ROBO2: variants seen among roughly 807,000 people sequenced by gnomAD.
The protein encoded by ROBO2 is roundabout homolog 2.
A neutral mutation model predicts 160.8 loss-of-function variants in ROBO2; 53 were observed. The ratio of observed to expected loss-of-function variants is 0.33; its 90% CI spans 0.26 to 0.41. ROBO2 has a LOEUF of 0.41. Among genes scored for constraint, ROBO2 ranks in the 10% least tolerant of loss-of-function variants. The probability of loss-of-function intolerance (pLI) is 1.00; values close to 1 mark genes in which losing one functional copy is unlikely to be tolerated. For missense variants in ROBO2, 1,577 were observed against 1,722.4 expected (o/e 0.92, Z 1.49); for synonymous variants, 664 against 611.7 (o/e 1.09, Z -1.26).
intron 2 of ROBO2, among the ~76,000 whole-genome samples, chr3:77,158,557 G>A (rs533194145): frequency 1.3e-5 from 2 of 151,888 alleles, no homozygotes; most frequent in Non-Finnish European, 2.9e-5. Context: ...AAAGAATAGG[G>A]CCAGGGGATA....
At chr3:77,221,030 G>T (rs534244248) in intron 2 of ROBO2, among the ~76,000 whole-genome samples, 1 of 152,280 alleles carries the variant, frequency 6.6e-6, no homozygotes, top group African/African-American at 2.4e-5. Flanking sequence ...CATATGTAAT[G>T]GTAAAGCTTT....
In ROBO2 at chr3:77,110,461, AT is replaced by A. The variant is rs549402787; in HGVS notation, c.388+12128del. Among the ~76,000 whole-genome samples, 50 of 151,900 alleles carry A rather than the reference AT, an allele frequency of 3.3e-4. 2 individuals carry two copies. The East Asian group carries it at 9.1e-3, about 28-fold the overall frequency. ...ATTTGACTTTCAAATTACTCTTTTT[AT>A]TTTTTTATATTTAAAAATGAATCAA... is the stretch of plus-strand genomic sequence containing the variant. On this transcript the variant is annotated intron_variant, in intron 2 of 25. Coordinates refer to ENST00000461745, the Ensembl canonical transcript of ROBO2.
At chr3:76,341,499 CT>C (rs1394531584) in intron 2 of ROBO2, among the ~76,000 whole-genome samples, 1 of 141,224 alleles carries the variant, frequency 7.1e-6, no homozygotes, top group African/African-American at 2.6e-5. Context: ...TTTACTATCT[CT>C]TTACAAAAAA....
Position 76,752,577 on chromosome 3 carries a change from G to C in ROBO2, c.110-345437G>C, listed in dbSNP as rs2060737722. Among the ~76,000 whole-genome samples the C allele has an allele frequency of 3.9e-5, 4 of 101,392 alleles. No individual in the cohort carries two copies. The South Asian group carries it at 1.2e-3, about 31-fold the overall frequency. 66.5% of individuals were successfully genotyped at this position (101,392 alleles called of 152,430 possible). A position where few individuals can be genotyped will look rare whatever the true frequency, so the allele number is the denominator to read the frequency against. ...TTAGGTAAGGACTAAGACTAAAGCA[G>C]TCTCAGTATTCATCCTTAAAGAATT... On this transcript the variant is annotated intron_variant, in intron 2 of 26. Coordinates refer to the ROBO2 transcript ENST00000487694.
At chr3:77,580,667 A>AT (rs1160533541) in intron 16 of ROBO2, among the ~76,000 whole-genome samples, 6 of 152,094 alleles carry the variant, frequency 3.9e-5, no homozygotes, top group South Asian at 2.1e-4. Context: ...ACAGAATGTG[A>AT]TTTTTTAAAT....
chr3:77,613,498 A>G (rs2153700052), intron 21 of ROBO2, among the ~76,000 whole-genome samples: 1 of 152,296 alleles, frequency 6.6e-6, no homozygotes, highest in African/African-American at 2.4e-5. Context: ...TCTAGTTATG[A>G]AGCAGAACAG....
At chr3:76,352,716 G>C (rs2074950633) in intron 2 of ROBO2, among the ~76,000 whole-genome samples, 1 of 151,932 alleles carries the variant, frequency 6.6e-6, no homozygotes, top group African/African-American at 2.4e-5. Flanking sequence ...TGCAGAACCA[G>C]CAACTTTGGT....
At chr3:76,621,351 C>G (rs1453193633) in intron 2 of ROBO2, among the ~76,000 whole-genome samples, 1 of 152,166 alleles carries the variant, frequency 6.6e-6, no homozygotes, top group Non-Finnish European at 1.5e-5. Flanking sequence ...TCTCAGAAGG[C>G]TATACATTCA....
At chr3:76,578,688 G>T (rs895326560) in intron 2 of ROBO2, among the ~76,000 whole-genome samples, 1 of 151,856 alleles carries the variant, frequency 6.6e-6, no homozygotes, top group Non-Finnish European at 1.5e-5. Context: ...TATTGTCTTA[G>T]CCCAGCAATC....
chr3:76,803,179 A>G (rs1452298608), intron 2 of ROBO2, among the ~76,000 whole-genome samples: 3 of 152,174 alleles, frequency 2.0e-5, no homozygotes, highest in Admixed American at 1.3e-4. Flanking sequence ...GAGAGACACC[A>G]TGGTAAAAAT....
At chr3:75,990,090 A>G (rs2065524920) in intron 2 of ROBO2, among the ~76,000 whole-genome samples, 1 of 152,234 alleles carries the variant, frequency 6.6e-6, no homozygotes, top group African/African-American at 2.4e-5. Flanking sequence ...CTTATAAAGT[A>G]TGTTTCTAGA....
chr3:76,626,816 C>T (rs1053308402), intron 2 of ROBO2, among the ~76,000 whole-genome samples: 6 of 152,094 alleles, frequency 3.9e-5, no homozygotes, highest in Non-Finnish European at 8.8e-5. Flanking sequence ...CCTCAGCCTC[C>T]CGAGTAGCTG....
At position 76,985,022 on chromosome 3, in the gene ROBO2, T is replaced by C. The variant is rs187113206; in HGVS notation, c.110-112992T>C. Among the ~76,000 whole-genome samples, 352 of 152,240 alleles carry C rather than the reference T, an allele frequency of 2.3e-3. 1 individual carries two copies. The highest frequency in any genetic ancestry group is 8.2e-3 in the African/African-American group (341 of 41,568). On this transcript the variant is annotated intron_variant, in intron 2 of 26. Transcript: ENST00000487694. ...AGAATTGATATGAGTAATGTAATAA[T>C]GTTGACATTAATCAATATAGAATGA...
chr3:76,584,327 T>TC (rs5850269), intron 2 of ROBO2, among the ~76,000 whole-genome samples: 59,880 of 151,610 alleles, frequency 0.39, 12,555 homozygotes, highest in East Asian at 0.49. Context: ...AATATATGAT[T>TC]CCCCCCCAGA....
At chr3:76,569,904 T>A (rs114397754) in intron 2 of ROBO2, among the ~76,000 whole-genome samples, 2,064 of 152,240 alleles carry the variant, frequency 0.014, 30 homozygotes, top group African/African-American at 0.044. Context: ...GCCGGAAGAT[T>A]GCTTGAACTC....
intron 2 of ROBO2, among the ~76,000 whole-genome samples, chr3:76,023,347 C>A (rs1249029706): frequency 6.6e-6 from 1 of 151,668 alleles, no homozygotes; most frequent in Non-Finnish European, 1.5e-5. Context: ...TTTCAACATG[C>A]CTTCTTCATT....
intron 2 of ROBO2, among the ~76,000 whole-genome samples, chr3:76,460,197 A>G (rs1346415373): frequency 1.3e-5 from 2 of 152,056 alleles, no homozygotes; most frequent in African/African-American, 4.8e-5. Flanking sequence ...ATAATGGATA[A>G]TTTACCCCAA....
intron 2 of ROBO2, among the ~76,000 whole-genome samples, chr3:76,813,526 G>A (rs536531439): frequency 6.3e-4 from 96 of 152,212 alleles, no homozygotes; most frequent in African/African-American, 2.3e-3. Context: ...AAAATGATAA[G>A]TGACAAATGA....
intron 4 of ROBO2, among the ~76,000 whole-genome samples, chr3:77,492,664 GA>G (rs959203708): frequency 6.6e-6 from 1 of 151,626 alleles, no homozygotes. Context: ...TTGTATTTAA[GA>G]AAAAAAATCA....
Sources: gnomAD v4.1 joint callset for allele counts (sites outside exome capture counted in the v4.1 genomes callset) on GRCh38, gnomAD v4.1.1 for gene constraint, MANE v1.5 for transcripts, NCBI Gene and HGNC (gene_info 2026-07-23, HGNC 2026-07-21) for gene names.